The following SOCS7 variants were observed in gnomAD, a reference collection of about 807,000 sequenced individuals.
SOCS7 encodes suppressor of cytokine signaling 7.
SOCS7 carries 18 observed loss-of-function variants against 58.9 expected under a neutral mutation model. The observed-to-expected ratio is 0.31, with a 90% CI of 0.21 to 0.45. SOCS7 has a LOEUF of 0.45. Among genes scored for constraint, SOCS7 ranks in the 20% least tolerant of loss-of-function variants. The pLI, the probability that SOCS7 is intolerant of heterozygous loss-of-function variation, is 1.00. For synonymous variants in SOCS7, 388 were observed against 364.3 expected (o/e 1.06, Z -0.74); for missense variants, 667 against 837.3 (o/e 0.80, Z 2.51).
chr17:38,389,872 T>TATATATGTATATATATGTGTAC (rs2038137592), intron 7 of SOCS7, among the ~76,000 whole-genome samples: 1 of 111,748 alleles, frequency 8.9e-6, no homozygotes. Flanking sequence ...TGTGTACATA[T>TATATATGTATATATATGTGTAC]ATATATATAT....
intron 2 of SOCS7, 147 bp downstream of exon 2, chr17:38,361,922 G>C (rs1400567836): frequency 3.2e-6 from 2 of 626,664 alleles, no homozygotes; most frequent in African/African-American, 1.9e-5. Context: ...TTTGGGGTGA[G>C]GCTATTTTTA....
rs1346978442 is a variant in SOCS7, at chr17:38,403,999, A to G, written c.*4517A>G. ...AAGAAAAAGAAAAAAAAAAGAAAGA[A>G]AAGTGTGCCCCCCTCCTATGCTGCG... On this transcript the variant is annotated 3_prime_UTR_variant, in exon 10 of 10. Coordinates refer to ENST00000612932, the MANE Select transcript of SOCS7 (RefSeq NM_014598.4). The G allele has an allele frequency of 6.6e-6, 1 of 152,106 alleles. No individual in the cohort carries two copies. Among genetic ancestry groups the G allele is most frequent in the Non-Finnish European group, 1.5e-5 (1 of 68,018 alleles). 9.4% of individuals were successfully genotyped at this position (152,106 alleles called of 1,614,324 possible). A position where few individuals can be genotyped will look rare whatever the true frequency, so the allele number is the denominator to read the frequency against.
chr17:38,379,193 A>C (rs918161755), intron 7 of SOCS7, among the ~76,000 whole-genome samples: 2 of 150,554 alleles, frequency 1.3e-5, no homozygotes, highest in African/African-American at 4.9e-5. Context: ...AAAAAAAAAA[A>C]CAAGGCAGGG....
chr17:38,353,016 G>A lies in SOCS7; in HGVS notation c.964G>A (p.Glu322Lys). The change falls in exon 1 of 10, where the codon GAG becomes AAG. Residue 322 changes from glutamate (E) to lysine (K), a missense_variant. Physicochemically the swap from Glu to Lys is moderately conservative, Grantham distance 56 (BLOSUM62 1). Transcript: ENST00000612932. ...LTDMGGSAGRELDAGRKPKLT... is the reference protein window; with the variant it reads ...LTDMGGSAGRKLDAGRKPKLT... Reference sequence around the variant, plus strand: ...AGACATGGGAGGCTCTGCGGGCCGGGAGCTGGACGCGGGGAGGTGAGACCG... The same window carrying A: ...AGACATGGGAGGCTCTGCGGGCCGGAAGCTGGACGCGGGGAGGTGAGACCG... 2 of 1,591,180 alleles carry A rather than the reference G, an allele frequency of 1.3e-6. No individual in the cohort carries two copies. The highest frequency in any genetic ancestry group is 2.3e-5 in the South Asian group (2 of 88,668).
At chr17:38,380,484 G>A (rs1011522592) in intron 7 of SOCS7, among the ~76,000 whole-genome samples, 19 of 151,986 alleles carry the variant, frequency 1.3e-4, no homozygotes, top group Middle Eastern at 3.4e-3. Flanking sequence ...TACAAAATTA[G>A]CCAGGTGTGG....
intron 1 of SOCS7, among the ~76,000 whole-genome samples, chr17:38,357,752 G>A (rs2037659510): frequency 6.6e-6 from 1 of 152,190 alleles, no homozygotes; most frequent in South Asian, 2.1e-4. Flanking sequence ...CATAAAATCT[G>A]GTATTTGGAC....
Position 38,365,480 on chromosome 17 carries a change from T to C in SOCS7, c.1252+71T>C, listed in dbSNP as rs193161497. The C allele has an allele frequency of 1.7e-4, 165 of 975,682 alleles. 1 individual carries two copies. The East Asian group carries it at 4.2e-3, about 25-fold the overall frequency. The allele number at this position is 975,682 out of a possible 1,614,324, so 60.4% of individuals were successfully genotyped here. On this transcript the variant is annotated intron_variant, in intron 4 of 9. Transcript: ENST00000612932. ...AGTGATACTTTCTACCATAGAAGGA[T>C]GGGAGAAATCTATTTATGGAAATAA...
chr17:38,382,821 C>T (rs913496849), intron 7 of SOCS7, among the ~76,000 whole-genome samples: 3 of 152,122 alleles, frequency 2.0e-5, no homozygotes, highest in Non-Finnish European at 2.9e-5. Context: ...TTGGTTACTT[C>T]CTCTTTTGTA....
intron 6 of SOCS7, among the ~76,000 whole-genome samples, chr17:38,370,634 C>T (rs970219475): frequency 6.6e-6 from 1 of 151,972 alleles, no homozygotes; most frequent in African/African-American, 2.4e-5. Context: ...AGCCACTGTA[C>T]CTCGCCTATA....
At chr17:38,371,754 G>GTTTTTT (rs770296566) in intron 6 of SOCS7, among the ~76,000 whole-genome samples, 50 of 72,210 alleles carry the variant, frequency 6.9e-4, no homozygotes, top group African/African-American at 2.7e-3. Context: ...GCCCTTTTGT[G>GTTTTTT]TTTTTTTTTT....
At chr17:38,398,277 T>C (rs1232881797) in intron 9 of SOCS7, among the ~76,000 whole-genome samples, 14 of 149,972 alleles carry the variant, frequency 9.3e-5, no homozygotes, top group Admixed American at 6.7e-4. Flanking sequence ...AGTTTCGCTC[T>C]TGTTGCCCGG....
chr17:38,364,069 C>T (rs925733476), intron 2 of SOCS7, among the ~76,000 whole-genome samples: 4 of 152,172 alleles, frequency 2.6e-5, no homozygotes, highest in Admixed American at 2.6e-4. Context: ...GTGCCTCCTC[C>T]CACCAAGTTC....
chr17:38,370,522 G>T (rs778413163), intron 6 of SOCS7, among the ~76,000 whole-genome samples: 1 of 151,526 alleles, frequency 6.6e-6, no homozygotes. Flanking sequence ...AATTTTTTTA[G>T]TAGAGACAGG....
Position 38,352,486 on chromosome 17 carries a change from G to A in SOCS7, c.434G>A (p.Cys145Tyr). Residue 145 changes from cysteine (C) to tyrosine (Y), a missense_variant, in exon 1 of 10, where the codon TGC becomes TAC. Cys to Tyr is a radical substitution (Grantham distance 194). Transcript: ENST00000612932. The surrounding 1 kb of genome is among the most constrained non-coding windows in gnomAD (Gnocchi z 5.5). ...PGVKTVGGGC[C>Y]PCPCPPQPPP... The stretch of plus-strand genomic sequence containing the variant: ...GTCAAGACAGTCGGTGGGGGTTGCT[G>A]CCCGTGTCCGTGTCCTCCTCAGCCG... The A allele has an allele frequency of 2.0e-6, 3 of 1,528,644 alleles. No homozygotes were observed. The highest frequency in any genetic ancestry group is 2.6e-6 in the Non-Finnish European group (3 of 1,136,886). The allele number at this position is 1,528,644 out of a possible 1,614,324, so 94.7% of individuals were successfully genotyped here. A position where few individuals can be genotyped will look rare whatever the true frequency, so the allele number is the denominator to read the frequency against.
chr17:38,389,868 C>CATAT lies in SOCS7; in HGVS notation c.1682-5430_1682-5427dup, dbSNP rs1463868655. Among the ~76,000 whole-genome samples, 25 of 18,628 alleles carry CATAT rather than the reference C, an allele frequency of 1.3e-3. 2 individuals carry two copies. The highest frequency in any genetic ancestry group is 3.4e-3 in the African/African-American group (19 of 5,642). The allele number at this position is 18,628 out of a possible 152,430, so 12.2% of individuals were successfully genotyped here. On this transcript the variant is annotated intron_variant, in intron 7 of 9. Coordinates refer to ENST00000612932, the MANE Select transcript of SOCS7 (RefSeq NM_014598.4). ...TTTTTGTTTGGTGTGTATGTGTGTA[C>CATAT]ATATATATATATATGTACATATATA...
chr17:38,387,102 A>AAAAATATAT (rs1244894607), intron 7 of SOCS7, among the ~76,000 whole-genome samples: 2 of 51,136 alleles, frequency 3.9e-5, no homozygotes, highest in Non-Finnish European at 6.0e-5. Flanking sequence ...AAAAAAAAAA[A>AAAAATATAT]ATATATATAT....
intron 7 of SOCS7, among the ~76,000 whole-genome samples, chr17:38,381,016 C>G (rs773538862): frequency 1.3e-5 from 2 of 152,156 alleles, no homozygotes; most frequent in Admixed American, 6.5e-5. Context: ...CTGGGCTTGA[C>G]TACAAATCCT....
chr17:38,398,612 T>A (rs2038275435), intron 9 of SOCS7, among the ~76,000 whole-genome samples: 1 of 152,136 alleles, frequency 6.6e-6, no homozygotes, highest in Admixed American at 6.5e-5. Flanking sequence ...TGATTTTAAT[T>A]TGGGAGTTCT....
intron 6 of SOCS7, among the ~76,000 whole-genome samples, chr17:38,370,349 CTT>C (rs1172361624): frequency 6.6e-6 from 1 of 151,778 alleles, no homozygotes; most frequent in Non-Finnish European, 1.5e-5. Context: ...AGTAGAATTT[CTT>C]TTTTTTGAGA....
Sources: allele counts gnomAD v4.1 joint callset (sites outside exome capture counted in the v4.1 genomes callset), GRCh38; gene constraint gnomAD v4.1.1; non-coding constraint Gnocchi (gnomAD v3.1); transcripts MANE v1.5; gene names NCBI Gene and HGNC (gene_info 2026-07-23, HGNC 2026-07-21).